BMI1: variants seen among roughly 807,000 people sequenced by gnomAD.
The protein encoded by BMI1 is BMI1 proto-oncogene, polycomb ring finger.
In BMI1, 9 loss-of-function variants were observed where a neutral mutation model predicts 39.1. That is an observed-to-expected ratio of 0.23 (90% CI 0.14 to 0.40). The LOEUF (loss-of-function observed/expected upper bound fraction) is 0.40. Among genes scored for constraint, BMI1 ranks in the 10% least tolerant of loss-of-function variants. The pLI, the probability that BMI1 is intolerant of heterozygous loss-of-function variation, is 1.00. For synonymous variants in BMI1, 131 were observed against 127.9 expected (o/e 1.02, Z -0.16); for missense variants, 252 against 390.8 (o/e 0.64, Z 2.99).
chr10:22,323,450 A>C (rs1358776057), intron 1 of BMI1, among the ~76,000 whole-genome samples: 1 of 152,268 alleles, frequency 6.6e-6, no homozygotes. Context: ...TTAATTGTAC[A>C]TGATAAATCC....
At chr10:22,328,864 A>G (rs966658523) in intron 8 of BMI1, among the ~76,000 whole-genome samples, 166 bp downstream of exon 8, 2 of 152,226 alleles carry the variant, frequency 1.3e-5, no homozygotes, top group African/African-American at 4.8e-5. Flanking sequence ...CTTTTATGCT[A>G]TGAAAACAAA....
At position 22,329,461 on chromosome 10, in the gene BMI1, C is replaced by G; in HGVS notation, c.900C>G (p.Pro300=). Residue 300 remains proline (P), a synonymous_variant, in exon 10 of 10, where the codon CCC becomes CCG. Transcript: ENST00000376663. The part of the protein sequence containing the change: ...SSTMNGTSNS[P]SGNHQSSFAN... Reference sequence around the variant, plus strand: ...CTATGAATGGAACCAGCAACAGCCCCAGCGGTAACCACCAATCTTCTTTTG... The same window carrying G: ...CTATGAATGGAACCAGCAACAGCCCGAGCGGTAACCACCAATCTTCTTTTG... 1 of 1,614,188 alleles carries G rather than the reference C, an allele frequency of 6.2e-7. No homozygotes were observed. Among genetic ancestry groups the G allele is most frequent in the Non-Finnish European group, 8.5e-7 (1 of 1,180,022 alleles).
In BMI1 at chr10:22,327,930, A is replaced by T. The variant is rs1836196306; in HGVS notation, c.317-20A>T. ...TAGGCATCTGATTTTTAAAAATTAC[A>T]TTTCACTATATCGTTATAGCTGCCA... On this transcript the variant is annotated intron_variant, in intron 5 of 9. Transcript: ENST00000376663. 1.3e-6 allele frequency: 2 copies of T among 1,585,302 alleles called. No individual in the cohort carries two copies. The highest frequency in any genetic ancestry group is 2.7e-5 in the African/African-American group (2 of 72,878).
At position 22,330,534 on chromosome 10, in the gene BMI1, T is replaced by G. The variant is rs1472196169; in HGVS notation, c.*992T>G. Reference sequence around the variant, plus strand: ...AGATTGTTGCAGTGAAGAAAAACCTTTAACTGAGAAATATGGAAACCGTCT... The same window carrying G: ...AGATTGTTGCAGTGAAGAAAAACCTGTAACTGAGAAATATGGAAACCGTCT... On this transcript the variant is annotated 3_prime_UTR_variant, in exon 10 of 10. Coordinates refer to ENST00000376663, the MANE Select transcript of BMI1 (RefSeq NM_005180.9). 5 of 152,346 alleles carry G rather than the reference T, an allele frequency of 3.3e-5. No homozygotes were observed. In the East Asian group the frequency reaches 9.6e-4, roughly 29 times the overall value. The allele number at this position is 152,346 out of a possible 1,614,324, so 9.4% of individuals were successfully genotyped here. A position where few individuals can be genotyped will look rare whatever the true frequency, so the allele number is the denominator to read the frequency against.
rs763818630 is a variant in BMI1, at chr10:22,327,619, T to G, written c.234T>G (p.Ile78Met). Residue 78 changes from isoleucine to methionine, a missense_variant, in exon 4 of 10, where the codon ATT (isoleucine) becomes ATG (methionine). Ile to Met is a conservative substitution (Grantham distance 10). This residue lies in a region of BMI1 where 62 missense variants were observed against 123.3 expected (regional missense o/e 0.50). Transcript: ENST00000376663. ...GGTCAGATAAAACTCTCCAAGATATTGTATACAAATTAGTTCCAGGGCTTT... is the reference window on the plus strand; with the variant it reads ...GGTCAGATAAAACTCTCCAAGATATGGTATACAAATTAGTTCCAGGGCTTT... ...NIRSDKTLQD[I>M]VYKLVPGLFK... is the part of the protein sequence containing the mutation. 10 of 1,611,814 alleles carry G rather than the reference T, an allele frequency of 6.2e-6. No individual in the cohort carries two copies. Among genetic ancestry groups the G allele is most frequent in the African/African-American group, 1.3e-5 (1 of 74,796 alleles).
At position 22,329,700 on chromosome 10, in the gene BMI1, G is replaced by T. The variant is rs1451815806; in HGVS notation, c.*158G>T. On this transcript the variant is annotated 3_prime_UTR_variant, in exon 10 of 10. Transcript: ENST00000376663. ...TGGCTATAAAAGATGGACTACATGTGATACTCCTATGGACGTTAATTGAAA... is the reference window on the plus strand; with the variant it reads ...TGGCTATAAAAGATGGACTACATGTTATACTCCTATGGACGTTAATTGAAA... 3.6e-6 allele frequency: 3 copies of T among 823,038 alleles called. No homozygotes were observed. The highest frequency in any genetic ancestry group is 5.5e-6 in the Non-Finnish European group (3 of 542,080). The allele number at this position is 823,038 out of a possible 1,614,324, so 51.0% of individuals were successfully genotyped here.
intron 1 of BMI1, chr10:22,325,840 G>C (rs1198472706): frequency 6.6e-6 from 1 of 152,108 alleles, no homozygotes; most frequent in Non-Finnish European, 1.5e-5. Flanking sequence ...CGTCCGCCGC[G>C]CTCAGGCCCC....
At chr10:22,325,809 C>G (rs886658161) in intron 1 of BMI1, 3 of 151,996 alleles carry the variant, frequency 2.0e-5, no homozygotes. Flanking sequence ...CGGATCCGCC[C>G]CTCGCATCCC....
Position 22,326,368 on chromosome 10 carries a change from T to G in BMI1, c.-19-63T>G, listed in dbSNP as rs1372293754. 5.6e-6 allele frequency: 9 copies of G among 1,594,446 alleles called. No homozygotes were observed. In the African/African-American group the frequency reaches 9.4e-5, roughly 17 times the overall value. ...TATAAATTCAGTGTTTCAGGGTTTGTGATTACTAGATGATCTCCATTCTTG... is the reference window on the plus strand; with the variant it reads ...TATAAATTCAGTGTTTCAGGGTTTGGGATTACTAGATGATCTCCATTCTTG... On this transcript the variant is annotated intron_variant, in intron 1 of 9. Transcript: ENST00000376663.
chr10:22,330,693 TA>T lies in BMI1; in HGVS notation c.*1152del, dbSNP rs1212608219. The T allele has an allele frequency of 6.6e-6, 1 of 152,394 alleles. No individual in the cohort carries two copies. Among genetic ancestry groups the T allele is most frequent in the African/African-American group, 2.4e-5 (1 of 41,462 alleles). The allele number at this position is 152,394 out of a possible 1,614,324, so 9.4% of individuals were successfully genotyped here. A position where few individuals can be genotyped will look rare whatever the true frequency, so the allele number is the denominator to read the frequency against. On this transcript the variant is annotated 3_prime_UTR_variant, in exon 10 of 10. Coordinates refer to ENST00000376663, the MANE Select transcript of BMI1 (RefSeq NM_005180.9). ...GGCATTTTATCTAAAGTTATTTTAA[TA>T]GGTGGTATAGCAGTAATTTTAAATT...
rs530837837 is a variant in BMI1 at position 22,328,141 on chromosome 10, C to A, written c.433C>A (p.Arg145=). The A allele has an allele frequency of 6.3e-7, 1 of 1,599,418 alleles. No homozygotes were observed. Among genetic ancestry groups the A allele is most frequent in the South Asian group, 1.1e-5 (1 of 87,492 alleles). Residue 145 remains arginine, a synonymous_variant, in exon 7 of 10, where the codon CGG becomes AGG. Transcript: ENST00000376663. Reference sequence around the variant, plus strand: ...AAATTTTCTCTTTATTAGATTGGATCGGAAAGTAAACAAAGACAAAGAGAA... The same window carrying A: ...AAATTTTCTCTTTATTAGATTGGATAGGAAAGTAAACAAAGACAAAGAGAA... ...IEFFDQNRLD[R]KVNKDKEKSK...
chr10:22,329,508 C>G lies in BMI1; in HGVS notation c.947C>G (p.Ser316Ter). The change falls in exon 10 of 10, where the codon TCA (serine) becomes TGA (stop). Residue 316 changes from serine (S) to a stop codon, truncating the protein, a stop_gained. Transcript: ENST00000376663. LOFTEE classifies it high-confidence loss of function. ...TTTGCCAATAGACCTCGAAAATCAT[C>G]AGTAAATGGGTCATCAGCAACTTCT... ...SSFANRPRKS[S>*]VNGSSATSSG 6.2e-7 allele frequency: 1 copy of G among 1,614,116 alleles called. No homozygotes were observed. Among genetic ancestry groups the G allele is most frequent in the Non-Finnish European group, 8.5e-7 (1 of 1,179,998 alleles).
intron 1 of BMI1, chr10:22,325,851 G>T (rs1343293829): frequency 1.3e-5 from 2 of 152,136 alleles, no homozygotes; most frequent in African/African-American, 4.8e-5. Flanking sequence ...CTCAGGCCCC[G>T]GCCCAGGCCG....
chr10:22,331,362 T>C lies in BMI1; in HGVS notation c.*1820T>C, dbSNP rs1027121785. 2.0e-5 allele frequency: 3 copies of C among 152,172 alleles called. No homozygotes were observed. The highest frequency in any genetic ancestry group is 7.2e-5 in the African/African-American group (3 of 41,462). The allele number at this position is 152,172 out of a possible 1,614,324, so 9.4% of individuals were successfully genotyped here. On this transcript the variant is annotated 3_prime_UTR_variant, in exon 10 of 10. Coordinates refer to ENST00000376663, the MANE Select transcript of BMI1 (RefSeq NM_005180.9). ...ACAGGTAAACGTTAAAGAGAATACA[T>C]TGCTGACTTATAGTGATGTGGCTAA... is the stretch of plus-strand genomic sequence containing the variant.
At chr10:22,327,837 C>A in intron 5 of BMI1, 45 bp downstream of exon 5, 2 of 1,610,048 alleles carry the variant, frequency 1.2e-6, no homozygotes, top group Non-Finnish European at 1.7e-6. Context: ...GGGGGGAGAG[C>A]TTATCTAGGA....
intron 1 of BMI1, among the ~76,000 whole-genome samples, chr10:22,323,177 T>C (rs1378107468): frequency 6.6e-6 from 1 of 152,354 alleles, no homozygotes; most frequent in African/African-American, 2.4e-5. Flanking sequence ...TTATTGACAG[T>C]ATATAACAAG....
chr10:22,328,738 T>C (rs758409760), intron 8 of BMI1, 40 bp downstream of exon 8: 2 of 1,525,340 alleles, frequency 1.3e-6, no homozygotes, highest in South Asian at 1.3e-5. Context: ...TACATAGATT[T>C]TACAATTTTA....
chr10:22,322,621 C>G (rs1465795939), intron 1 of BMI1, among the ~76,000 whole-genome samples: 3 of 152,154 alleles, frequency 2.0e-5, no homozygotes, highest in African/African-American at 7.2e-5. Flanking sequence ...TGGAGGCTTG[C>G]TTTCTCACTA....
Position 22,329,882 on chromosome 10 carries a change from A to G in BMI1, c.*340A>G, listed in dbSNP as rs541731110. 1.8e-5 allele frequency: 4 copies of G among 224,420 alleles called. No individual in the cohort carries two copies. Among genetic ancestry groups the G allele is most frequent in the Admixed American group, 1.0e-4 (2 of 19,490 alleles). 13.9% of individuals were successfully genotyped at this position (224,420 alleles called of 1,614,324 possible). A position where few individuals can be genotyped will look rare whatever the true frequency, so the allele number is the denominator to read the frequency against. Reference sequence around the variant, plus strand: ...ATTGGGCCATAGTTTGTTAATCTCAACTAACGCCTACATTACATTCTCCTT... The same window carrying G: ...ATTGGGCCATAGTTTGTTAATCTCAGCTAACGCCTACATTACATTCTCCTT... On this transcript the variant is annotated 3_prime_UTR_variant, in exon 10 of 10. Coordinates refer to ENST00000376663, the MANE Select transcript of BMI1 (RefSeq NM_005180.9).
Sources: gnomAD v4.1 joint callset for allele counts (sites outside exome capture counted in the v4.1 genomes callset) on GRCh38, gnomAD v4.1.1 for gene constraint, gnomAD v4.1.1 regional missense constraint, MANE v1.5 for transcripts, NCBI Gene and HGNC (gene_info 2026-07-23, HGNC 2026-07-21) for gene names.